Variants in PRKAR2A observed in about 807,000 individuals in gnomAD.
PRKAR2A encodes cAMP-dependent protein kinase type II-alpha regulatory subunit.
A neutral mutation model predicts 51.9 loss-of-function variants in PRKAR2A; 29 were observed. That is an observed-to-expected ratio of 0.56 (90% CI 0.42 to 0.76). The LOEUF is 0.76. PRKAR2A is among the 30% of genes least tolerant of loss of function. The pLI is 0.00. For synonymous variants in PRKAR2A, 178 were observed against 186.2 expected (o/e 0.96, Z 0.36); for missense variants, 445 against 512.1 (o/e 0.87, Z 1.26).
chr3:48,842,960 C>T (rs1575965318), intron 1 of PRKAR2A, among the ~76,000 whole-genome samples: 1 of 151,718 alleles, frequency 6.6e-6, no homozygotes, highest in Non-Finnish European at 1.5e-5. Context: ...CCTCTTTTTC[C>T]ATTGATTGGA....
chr3:48,834,940 C>T (rs1164346687), intron 1 of PRKAR2A, among the ~76,000 whole-genome samples: 6 of 150,766 alleles, frequency 4.0e-5, no homozygotes, highest in Non-Finnish European at 7.4e-5. Context: ...AAATTCCCAG[C>T]ACTTTGAGAG....
chr3:48,778,545 A>G (rs1301966264), intron 5 of PRKAR2A, among the ~76,000 whole-genome samples: 1 of 151,546 alleles, frequency 6.6e-6, no homozygotes, highest in Non-Finnish European at 1.5e-5. Flanking sequence ...GTTGAGATGG[A>G]GTCCCATTCT....
chr3:48,827,958 G>A (rs1028861820), intron 1 of PRKAR2A, among the ~76,000 whole-genome samples: 1 of 151,716 alleles, frequency 6.6e-6, no homozygotes, highest in Non-Finnish European at 1.5e-5. Flanking sequence ...TCCACCTCTC[G>A]GGTTCAAGTG....
chr3:48,827,874 G>A (rs1036403225), intron 1 of PRKAR2A, among the ~76,000 whole-genome samples: 1 of 150,022 alleles, frequency 6.7e-6, no homozygotes. Flanking sequence ...ATTTTTTTTT[G>A]TTTTTGGGAT....
In PRKAR2A at chr3:48,746,928, G is replaced by A. The variant is rs1398205551; in HGVS notation, c.*4657C>T. 2 of 151,218 alleles carry A rather than the reference G, an allele frequency of 1.3e-5. No individual in the cohort carries two copies. The highest frequency in any genetic ancestry group is 4.9e-5 in the African/African-American group (2 of 41,156). The allele number at this position is 151,218 out of a possible 1,614,324, so 9.4% of individuals were successfully genotyped here. On this transcript the variant is annotated 3_prime_UTR_variant, in exon 11 of 11. Transcript: ENST00000265563. ...GAGGTAGCACAATAATGCTGAATTA[G>A]ATTTATTTTATTACAGTGAGCTTAA... is the stretch of plus-strand genomic sequence containing the variant.
At chr3:48,794,178 T>C (rs2082450768) in intron 2 of PRKAR2A, 129 bp from the exon 3 acceptor site, 2 of 713,204 alleles carry the variant, frequency 2.8e-6, no homozygotes, top group Non-Finnish European at 2.2e-6. Flanking sequence ...TGAGACAGAG[T>C]TTTGCTCTTG....
intron 8 of PRKAR2A, among the ~76,000 whole-genome samples, chr3:48,762,186 A>C (rs538912240): frequency 5.9e-5 from 9 of 152,208 alleles, no homozygotes; most frequent in African/African-American, 2.2e-4. Flanking sequence ...TAGAAGGCCA[A>C]GGCGGGCAGA....
chr3:48,791,801 G>A (rs2107315146), intron 3 of PRKAR2A, among the ~76,000 whole-genome samples: 1 of 149,888 alleles, frequency 6.7e-6, no homozygotes, highest in East Asian at 2.0e-4. Context: ...TACCCGAGAG[G>A]CTGAGGCAGG....
intron 10 of PRKAR2A, 106 bp downstream of exon 10, chr3:48,752,070 G>T: frequency 1.5e-6 from 2 of 1,339,186 alleles, no homozygotes; most frequent in South Asian, 1.4e-5. Flanking sequence ...AAACTGCCTA[G>T]GCCTAGACAG....
chr3:48,827,864 A>T (rs2083095577), intron 1 of PRKAR2A, among the ~76,000 whole-genome samples: 1 of 151,248 alleles, frequency 6.6e-6, no homozygotes, highest in Non-Finnish European at 1.5e-5. Flanking sequence ...ATAAACCTTA[A>T]TTTTTTTTTG....
At chr3:48,786,364 A>T (rs2107298950) in intron 4 of PRKAR2A, among the ~76,000 whole-genome samples, 1 of 150,454 alleles carries the variant, frequency 6.6e-6, no homozygotes, top group Middle Eastern at 3.4e-3. Flanking sequence ...ACTTCAGGTG[A>T]TCTGCCCGCC....
At position 48,787,117 on chromosome 3, in the gene PRKAR2A, T is replaced by A. The variant is rs544054424; in HGVS notation, c.435+3427A>T. ...ATCTAACATGGGATCCTGGACTGGATCCTCTACCAGAAAAAAGACATTATT... is the reference window on the plus strand; with the variant it reads ...ATCTAACATGGGATCCTGGACTGGAACCTCTACCAGAAAAAAGACATTATT... On this transcript the variant is annotated intron_variant, in intron 4 of 10. Transcript: ENST00000265563. Among the ~76,000 whole-genome samples, 6 of 152,222 alleles carry A rather than the reference T, an allele frequency of 3.9e-5. No individual in the cohort carries two copies. In the South Asian group the frequency reaches 1.2e-3, roughly 32 times the overall value.
chr3:48,845,397 T>C (rs1364569385), intron 1 of PRKAR2A, among the ~76,000 whole-genome samples: 4 of 152,176 alleles, frequency 2.6e-5, no homozygotes, highest in Non-Finnish European at 5.9e-5. Context: ...CCCACAGCAA[T>C]GACCGTTAAT....
chr3:48,767,973 TTTTA>T (rs1306598085), intron 6 of PRKAR2A, among the ~76,000 whole-genome samples: 2 of 148,030 alleles, frequency 1.4e-5, no homozygotes, highest in East Asian at 2.0e-4. Flanking sequence ...AACCCCAATA[TTTTA>T]TTTATTTATT....
rs556215330 is a variant in PRKAR2A at position 48,808,535 on chromosome 3, G to A, written c.263-851C>T. ...CCCAAAGTGCTGGGATTACAGGCGT[G>A]AGCCACCGCGCCTGGCCTGTATTTT... On this transcript the variant is annotated intron_variant, in intron 1 of 10. Transcript: ENST00000265563. Among the ~76,000 whole-genome samples, 4 of 151,726 alleles carry A rather than the reference G, an allele frequency of 2.6e-5. No homozygotes were observed. The South Asian group carries it at 8.4e-4, about 32-fold the overall frequency.
At chr3:48,846,126 G>C (rs564816319) in intron 1 of PRKAR2A, among the ~76,000 whole-genome samples, 132 of 152,148 alleles carry the variant, frequency 8.7e-4, no homozygotes, top group Non-Finnish European at 1.3e-3. Context: ...CAATGAAGCT[G>C]CTCTCCTGAT....
At chr3:48,807,099 A>G (rs1462214714) in intron 2 of PRKAR2A, among the ~76,000 whole-genome samples, 2 of 152,104 alleles carry the variant, frequency 1.3e-5, no homozygotes, top group Admixed American at 6.6e-5. Context: ...AACCAAAAGA[A>G]ATGCCATATA....
chr3:48,779,109 G>C (rs937671753), intron 5 of PRKAR2A, among the ~76,000 whole-genome samples: 4 of 152,010 alleles, frequency 2.6e-5, no homozygotes, highest in African/African-American at 9.7e-5. Context: ...TTACAGGTGT[G>C]AGCCACCGTG....
chr3:48,846,641 C>T (rs555785096), intron 1 of PRKAR2A, among the ~76,000 whole-genome samples: 2 of 152,350 alleles, frequency 1.3e-5, no homozygotes, highest in African/African-American at 4.8e-5. Flanking sequence ...TAGGGGCCCA[C>T]TGCCCCGGCC....
Sources: gnomAD v4.1 joint callset for allele counts (sites outside exome capture counted in the v4.1 genomes callset) on GRCh38, gnomAD v4.1.1 for gene constraint, MANE v1.5 for transcripts, NCBI Gene and HGNC (gene_info 2026-07-23, HGNC 2026-07-21) for gene names.